LDLRAD4: variants seen among roughly 807,000 people sequenced by gnomAD.
The protein encoded by LDLRAD4 is low density lipoprotein receptor class A domain containing 4.
Under a neutral mutation model 17.0 loss-of-function variants are expected in LDLRAD4, and 5 were observed. The observed-to-expected ratio is 0.29, with a 90% CI of 0.15 to 0.62. The LOEUF is 0.62. Ranked by LOEUF, LDLRAD4 falls within the 20% of genes least tolerant of loss-of-function variation. The probability of loss-of-function intolerance (pLI) is 0.84; values close to 1 mark genes in which losing one functional copy is unlikely to be tolerated. For synonymous variants in LDLRAD4, 168 were observed against 171.8 expected, an observed-to-expected ratio of 0.98 and a Z score of 0.17; for missense variants, 340 against 424.7, an observed-to-expected ratio of 0.80 and a Z score of 1.75.
At chr18:13,412,206 A>T (rs1344090655) in intron 2 of LDLRAD4, among the ~76,000 whole-genome samples, 1 of 152,204 alleles carries the variant, frequency 6.6e-6, no homozygotes, top group Non-Finnish European at 1.5e-5. Flanking sequence ...CAGTAGTCAG[A>T]TCAGTGGCAT....
chr18:13,649,953 GA>G, exon 6 of LDLRAD4: 1 of 397,760 alleles, frequency 2.5e-6, no homozygotes, highest in Middle Eastern at 6.3e-4. Context: ...GGCAAAGGGA[GA>G]ACTTCCCCTT....
intron 3 of LDLRAD4, chr18:13,542,889 C>T (rs549228176): frequency 6.6e-6 from 1 of 152,310 alleles, no homozygotes; most frequent in Admixed American, 6.5e-5. Context: ...AGGTACCTTG[C>T]CTGCTTGTGT....
In LDLRAD4 at chr18:13,621,456, G is replaced by GAAC. The variant is rs1444083689; in HGVS notation, c.336+187_336+189dup. ...CACACCAGTGTGACCAGCACCCAGT[G>GAAC]AACATACAGACACAGCAGTCCCCCC... On this transcript the variant is annotated intron_variant, in intron 4 of 5. Coordinates refer to ENST00000359446, the Ensembl canonical transcript of LDLRAD4. This position sits in a 1 kb window ranked among gnomAD's most constrained non-coding sequence, Gnocchi z 5.5. Among the ~76,000 whole-genome samples the GAAC allele has an allele frequency of 6.6e-6, 1 of 152,228 alleles. No homozygotes were observed. The highest frequency in any genetic ancestry group is 1.5e-5 in the Non-Finnish European group (1 of 68,026).
At chr18:13,633,563 T>C (rs1023225938) in intron 4 of LDLRAD4, among the ~76,000 whole-genome samples, 2 of 152,320 alleles carry the variant, frequency 1.3e-5, no homozygotes, top group Admixed American at 6.5e-5. Flanking sequence ...CGGAGGGGGC[T>C]GAGGTGGCAG....
chr18:13,490,109 C>T (rs2093328001), intron 3 of LDLRAD4: 2 of 152,080 alleles, frequency 1.3e-5, no homozygotes, highest in Admixed American at 6.5e-5. Flanking sequence ...GTTTTGGGCA[C>T]TCCATCTGCC....
intron 3 of LDLRAD4, chr18:13,489,006 A>C (rs764736317): frequency 1.3e-5 from 2 of 152,238 alleles, no homozygotes; most frequent in Non-Finnish European, 2.9e-5. Flanking sequence ...TTGCAAAAAG[A>C]AAGTGTGGGG....
At chr18:13,636,800 A>ATTTTTTT (rs531665088) in intron 4 of LDLRAD4, among the ~76,000 whole-genome samples, 2 of 125,110 alleles carry the variant, frequency 1.6e-5, no homozygotes, top group African/African-American at 6.5e-5. Flanking sequence ...GCACCCAGCA[A>ATTTTTTT]TTTTTTTTTT....
chr18:13,451,143 T>C (rs1377019019), intron 3 of LDLRAD4, among the ~76,000 whole-genome samples: 1 of 152,214 alleles, frequency 6.6e-6, no homozygotes, highest in Non-Finnish European at 1.5e-5. Context: ...AAATAGTCTT[T>C]GGCAGAAGTC....
chr18:13,407,974 A>C (rs2087927630), intron 2 of LDLRAD4, among the ~76,000 whole-genome samples: 2 of 152,188 alleles, frequency 1.3e-5, no homozygotes, highest in Admixed American at 1.3e-4. Flanking sequence ...TTGGTTTATA[A>C]TTGATCAGGT....
chr18:13,611,989 G>C lies in LDLRAD4; in HGVS notation c.182-9128G>C, dbSNP rs148799658. 132 of 985,458 alleles carry C rather than the reference G, an allele frequency of 1.3e-4. 3 individuals are homozygous for C. The South Asian group carries it at 5.6e-3, about 42-fold the overall frequency. The allele number at this position is 985,458 out of a possible 1,614,324, so 61.0% of individuals were successfully genotyped here. A position where few individuals can be genotyped will look rare whatever the true frequency, so the allele number is the denominator to read the frequency against. ...TGGGTGCTCCCAGCCGGGCGAGCAC[G>C]CTCTGGGAGCGGATCTGCAGGGGAG... On this transcript the variant is annotated intron_variant, in intron 3 of 5. Transcript: ENST00000359446.
intron 3 of LDLRAD4, among the ~76,000 whole-genome samples, chr18:13,579,838 T>C (rs2094831434): frequency 6.6e-6 from 1 of 152,218 alleles, no homozygotes; most frequent in Admixed American, 6.5e-5. Context: ...CCGACTTCTA[T>C]CTGAACTTTT....
rs148990140 is a variant in LDLRAD4, at chr18:13,482,730, G to C, written c.181+44346G>C. 1.9e-4 allele frequency among the ~76,000 whole-genome samples: 29 copies of C among 152,316 alleles called. No individual in the cohort carries two copies. The South Asian group carries it at 4.8e-3, about 25-fold the overall frequency. ...CTGGGACTAAGTTCCTATGGGCCCT[G>C]GGGGAGGTAGTGACAAGTTATGGGA... is the stretch of plus-strand genomic sequence containing the variant. On this transcript the variant is annotated intron_variant, in intron 3 of 5. Coordinates refer to ENST00000359446, the Ensembl canonical transcript of LDLRAD4.
In LDLRAD4 at chr18:13,450,275, T is replaced by G. The variant is rs1350054457; in HGVS notation, c.181+11891T>G. 2.0e-5 allele frequency among the ~76,000 whole-genome samples: 3 copies of G among 150,160 alleles called. No individual in the cohort carries two copies. The East Asian group carries it at 5.9e-4, about 29-fold the overall frequency. On this transcript the variant is annotated intron_variant, in intron 3 of 5. Transcript: ENST00000359446. ...TGTCTGCTCTCATGTTAGGAGACGT[T>G]AACTGGAAATGACAGGACCTGGGGC...
intron 3 of LDLRAD4, among the ~76,000 whole-genome samples, chr18:13,619,254 C>T (rs898414381): frequency 1.3e-5 from 2 of 152,080 alleles, no homozygotes; most frequent in African/African-American, 4.8e-5. Context: ...AGGGTCAAGG[C>T]CAGAGTGTCC....
intron 3 of LDLRAD4, among the ~76,000 whole-genome samples, chr18:13,595,657 G>T (rs921335326): frequency 6.6e-6 from 1 of 151,790 alleles, no homozygotes; most frequent in African/African-American, 2.4e-5. Flanking sequence ...CCGAATCCAT[G>T]TTTTTTTTAA....
intron 1 of LDLRAD4, among the ~76,000 whole-genome samples, chr18:13,237,982 G>A (rs1183336858): frequency 6.6e-6 from 1 of 152,176 alleles, no homozygotes; most frequent in African/African-American, 2.4e-5. Flanking sequence ...TAAGGTCAAT[G>A]TGTCTGCCTC....
chr18:13,369,288 C>T (rs536818934), intron 1 of LDLRAD4, among the ~76,000 whole-genome samples: 3 of 152,330 alleles, frequency 2.0e-5, no homozygotes, highest in African/African-American at 7.2e-5. Flanking sequence ...GAATGAAACG[C>T]ATTTTCTGCC....
intron 2 of LDLRAD4, among the ~76,000 whole-genome samples, chr18:13,415,612 G>A (rs930249598): frequency 2.0e-5 from 3 of 152,192 alleles, no homozygotes; most frequent in African/African-American, 7.2e-5. Context: ...ACTGAGGGGA[G>A]CCCCCAGGAT....
intron 1 of LDLRAD4, among the ~76,000 whole-genome samples, chr18:13,234,087 C>T (rs138249413): frequency 0.014 from 2,083 of 152,328 alleles, 152 homozygotes; most frequent in Admixed American, 0.11. Context: ...CTGTCACCAC[C>T]AGCAGTGCTC....
Sources: allele counts gnomAD v4.1 joint callset (sites outside exome capture counted in the v4.1 genomes callset), GRCh38; gene constraint gnomAD v4.1.1; non-coding constraint Gnocchi (gnomAD v3.1); transcripts MANE v1.5; gene names NCBI Gene and HGNC (gene_info 2026-07-23, HGNC 2026-07-21).